Variants in NKAIN3 observed in about 807,000 individuals in gnomAD.
The protein encoded by NKAIN3 is sodium/potassium transporting ATPase interacting 3.
A neutral mutation model predicts 30.2 loss-of-function variants in NKAIN3; 25 were observed. The ratio of observed to expected loss-of-function variants is 0.83; its 90% CI spans 0.60 to 1.16. NKAIN3 has a LOEUF of 1.16. Among genes scored for constraint, NKAIN3 ranks in the 50% most tolerant of loss-of-function variants. NKAIN3 has a pLI of 0.00. For missense variants in NKAIN3, 225 were observed against 254.1 expected, an observed-to-expected ratio of 0.89 and a Z score of 0.78; for synonymous variants, 91 against 89.6, an observed-to-expected ratio of 1.02 and a Z score of -0.09.
chr8:62,565,523 G>T (rs1301029795), intron 1 of NKAIN3, among the ~76,000 whole-genome samples: 1 of 152,102 alleles, frequency 6.6e-6, no homozygotes, highest in Admixed American at 6.6e-5. Flanking sequence ...ATGTTGCTCA[G>T]GGTCACATTT....
intron 1 of NKAIN3, among the ~76,000 whole-genome samples, chr8:62,284,014 G>A (rs183103639): frequency 2.0e-5 from 3 of 152,224 alleles, no homozygotes; most frequent in African/African-American, 7.2e-5. Flanking sequence ...AAACTGAAAT[G>A]CCTTCCTACC....
intron 5 of NKAIN3, among the ~76,000 whole-genome samples, chr8:62,953,343 T>G (rs1231140071): frequency 6.6e-6 from 1 of 152,050 alleles, no homozygotes; most frequent in African/African-American, 2.4e-5. Flanking sequence ...CAAAAGAAAC[T>G]GGAAAGAATA....
chr8:62,785,516 T>C (rs964508717), intron 4 of NKAIN3, among the ~76,000 whole-genome samples: 1 of 152,174 alleles, frequency 6.6e-6, no homozygotes, highest in African/African-American at 2.4e-5. Context: ...ATTGTGGTGA[T>C]AGTTGCACAG....
intron 3 of NKAIN3, among the ~76,000 whole-genome samples, chr8:62,613,695 T>C (rs762461296): frequency 1.3e-5 from 2 of 152,010 alleles, no homozygotes; most frequent in Non-Finnish European, 2.9e-5. Context: ...TTTAGGCATG[T>C]TTTATTGTTT....
intron 4 of NKAIN3, among the ~76,000 whole-genome samples, chr8:62,905,454 A>T (rs1821747392): frequency 6.6e-6 from 1 of 152,212 alleles, no homozygotes; most frequent in Non-Finnish European, 1.5e-5. Flanking sequence ...ACATGCTATA[A>T]TTGCTATAAA....
intron 5 of NKAIN3, among the ~76,000 whole-genome samples, chr8:62,947,526 A>T (rs1823159523): frequency 1.3e-5 from 2 of 152,228 alleles, no homozygotes; most frequent in Non-Finnish European, 2.9e-5. Context: ...TCACAACAGT[A>T]TTTCCTGTCT....
chr8:62,534,614 C>T (rs1269411115), intron 1 of NKAIN3, among the ~76,000 whole-genome samples: 2 of 152,142 alleles, frequency 1.3e-5, no homozygotes, highest in African/African-American at 4.8e-5. Context: ...CAAAGGGCCT[C>T]AATGGCTCGC....
At chr8:62,823,222 C>A (rs1586237437) in intron 4 of NKAIN3, among the ~76,000 whole-genome samples, 1 of 152,270 alleles carries the variant, frequency 6.6e-6, no homozygotes, top group Admixed American at 6.5e-5. Flanking sequence ...GATGTTATGA[C>A]AGCTGCAATG....
At chr8:62,317,751 G>T (rs1814693301) in intron 1 of NKAIN3, among the ~76,000 whole-genome samples, 2 of 152,170 alleles carry the variant, frequency 1.3e-5, no homozygotes, top group Admixed American at 1.3e-4. Flanking sequence ...GATTGACTTG[G>T]CAATGTGGAC....
At chr8:62,549,600 T>C (rs541554752) in intron 1 of NKAIN3, among the ~76,000 whole-genome samples, 43 of 152,220 alleles carry the variant, frequency 2.8e-4, no homozygotes, top group Admixed American at 2.5e-3. Context: ...GTAGGAATAG[T>C]TTGGCTAATG....
chr8:62,852,755 T>C (rs1261845985), intron 4 of NKAIN3, among the ~76,000 whole-genome samples: 1 of 152,206 alleles, frequency 6.6e-6, no homozygotes, highest in African/African-American at 2.4e-5. Context: ...TCCATGTAGT[T>C]GAGCAGTTCT....
At chr8:62,513,779 G>C (rs1371672566) in intron 1 of NKAIN3, among the ~76,000 whole-genome samples, 1 of 149,644 alleles carries the variant, frequency 6.7e-6, no homozygotes, top group Non-Finnish European at 1.5e-5. Context: ...GCTGAGGTGG[G>C]AGTATCGTTT....
chr8:62,618,361 C>G (rs540769248), intron 3 of NKAIN3, among the ~76,000 whole-genome samples: 2 of 152,214 alleles, frequency 1.3e-5, no homozygotes, highest in South Asian at 4.1e-4. Flanking sequence ...ATTTAATTGA[C>G]TTATCAGGAT....
intron 4 of NKAIN3, among the ~76,000 whole-genome samples, chr8:62,774,436 T>C (rs1817120635): frequency 6.6e-6 from 1 of 152,200 alleles, no homozygotes; most frequent in Non-Finnish European, 1.5e-5. Context: ...GGACTTGCAT[T>C]ACTATGTTGA....
intron 1 of NKAIN3, among the ~76,000 whole-genome samples, chr8:62,271,009 TAAG>T (rs1293118891): frequency 6.6e-6 from 1 of 152,200 alleles, no homozygotes; most frequent in African/African-American, 2.4e-5. Flanking sequence ...ATGTCACTCA[TAAG>T]AACATACATA....
intron 1 of NKAIN3, among the ~76,000 whole-genome samples, chr8:62,346,136 A>G (rs2129591430): frequency 6.6e-6 from 1 of 152,210 alleles, no homozygotes; most frequent in African/African-American, 2.4e-5. Flanking sequence ...AGCCAGGAAG[A>G]ATATGTTCAG....
At chr8:62,633,331 C>A (rs1235046722) in intron 3 of NKAIN3, among the ~76,000 whole-genome samples, 1 of 152,156 alleles carries the variant, frequency 6.6e-6, no homozygotes, top group Non-Finnish European at 1.5e-5. Context: ...ATAACCCTGT[C>A]TGTCACTAAC....
intron 1 of NKAIN3, among the ~76,000 whole-genome samples, chr8:62,268,304 C>G (rs1302974385): frequency 1.3e-5 from 2 of 152,160 alleles, no homozygotes; most frequent in African/African-American, 4.8e-5. Context: ...GAGAGAAAGA[C>G]TGTCCATATC....
intron 4 of NKAIN3, among the ~76,000 whole-genome samples, chr8:62,797,835 C>A (rs59451312): frequency 0.013 from 1,935 of 152,152 alleles, 35 homozygotes; most frequent in African/African-American, 0.042. Flanking sequence ...CCCCTAATTC[C>A]ATGTGACTAT....
Sources: allele counts gnomAD v4.1 joint callset (sites outside exome capture counted in the v4.1 genomes callset), GRCh38; gene constraint gnomAD v4.1.1; transcripts MANE v1.5; gene names NCBI Gene and HGNC (gene_info 2026-07-23, HGNC 2026-07-21).